The following PRMT8 variants were observed in gnomAD, a reference collection of about 807,000 sequenced individuals.
The protein encoded by PRMT8 is protein arginine N-methyltransferase 8.
In PRMT8, 7 loss-of-function variants were observed where a neutral mutation model predicts 47.1. That is an observed-to-expected ratio of 0.15 (90% CI 0.08 to 0.28). The LOEUF is 0.28. Among genes scored for constraint, PRMT8 ranks in the 10% least tolerant of loss-of-function variants. The pLI, the probability that PRMT8 is intolerant of heterozygous loss-of-function variation, is 1.00. For missense variants in PRMT8, 237 were observed against 505.4 expected, an observed-to-expected ratio of 0.47 and a Z score of 5.09; for synonymous variants, 188 against 186.5, an observed-to-expected ratio of 1.01 and a Z score of -0.07.
chr12:3,473,673 AC>A (rs1865181862), intron 1 of PRMT8, among the ~76,000 whole-genome samples: 1 of 151,716 alleles, frequency 6.6e-6, no homozygotes, highest in African/African-American at 2.4e-5. Context: ...CCTCTTGGCC[AC>A]CCCCACAACA....
Position 3,569,867 on chromosome 12 carries a change from A to T in PRMT8, c.712+303A>T, listed in dbSNP as rs561354053. On this transcript the variant is annotated intron_variant, in intron 6 of 9. Coordinates refer to ENST00000382622, the MANE Select transcript of PRMT8 (RefSeq NM_019854.5). This position sits in a 1 kb window ranked among gnomAD's most constrained non-coding sequence, Gnocchi z 8.2. ...CAGCAGAAGCTGAGTTTTTGCAGAG[A>T]TCAGCAGGGCAAGTGGCTTGAAACC... Among the ~76,000 whole-genome samples the T allele has an allele frequency of 4.0e-4, 61 of 152,208 alleles. No individual in the cohort carries two copies. The highest frequency in any genetic ancestry group is 6.9e-4 in the Non-Finnish European group (47 of 68,038).
In PRMT8 at chr12:3,566,085, G is replaced by A. The variant is rs1302483082; in HGVS notation, c.482-2621G>A. On this transcript the variant is annotated intron_variant, in intron 4 of 9. Transcript: ENST00000382622. This position sits in a 1 kb window ranked among gnomAD's most constrained non-coding sequence, Gnocchi z 4.7. ...TTAGGGAAGAACCTTCAAGAAACGT[G>A]CAAAGAAAAAAAAGTAAGGGAGGCC... 2.6e-5 allele frequency among the ~76,000 whole-genome samples: 4 copies of A among 151,710 alleles called. No individual in the cohort carries two copies. The highest frequency in any genetic ancestry group is 2.6e-4 in the Admixed American group (4 of 15,252).
At chr12:3,385,529 T>C (rs931809211) in intron 1 of PRMT8, among the ~76,000 whole-genome samples, 6 of 152,148 alleles carry the variant, frequency 3.9e-5, no homozygotes, top group African/African-American at 1.4e-4. Flanking sequence ...AAGCATGATT[T>C]AGCCATATTA....
intron 8 of PRMT8, among the ~76,000 whole-genome samples, chr12:3,590,139 T>C (rs1021038522): frequency 1.3e-5 from 2 of 152,246 alleles, no homozygotes; most frequent in African/African-American, 2.4e-5. Flanking sequence ...AGGGATAGAC[T>C]GCACATTCAT....
chr12:3,590,027 G>C (rs11062731), intron 8 of PRMT8, among the ~76,000 whole-genome samples: 44,698 of 152,196 alleles, frequency 0.29, 6,791 homozygotes, highest in Middle Eastern at 0.42. Flanking sequence ...AGGTAGCTGG[G>C]AGAGATGGTT....
intron 1 of PRMT8, among the ~76,000 whole-genome samples, chr12:3,402,057 A>G (rs1035876595): frequency 1.3e-5 from 2 of 152,252 alleles, no homozygotes; most frequent in African/African-American, 4.8e-5. Flanking sequence ...AGCTGGAGGC[A>G]TCACCCTACC....
chr12:3,490,648 C>T (rs1346048605), upstream of PRMT8, among the ~76,000 whole-genome samples: 1 of 139,780 alleles, frequency 7.2e-6, no homozygotes, highest in East Asian at 2.1e-4. Context: ...CTGAAAGGGG[C>T]TTGGAGTCCC....
intron 1 of PRMT8, among the ~76,000 whole-genome samples, chr12:3,521,180 G>C (rs145500052): frequency 7.2e-4 from 109 of 152,314 alleles, no homozygotes; most frequent in African/African-American, 2.3e-3. Flanking sequence ...TGATGGGAGA[G>C]AACTAATAAG....
rs1867107338 is a variant in PRMT8 at position 3,583,277 on chromosome 12, C to T, written c.979+69C>T. The stretch of plus-strand genomic sequence containing the variant: ...CTTCCTCAAGTCTTTGTGGGGTGAC[C>T]AGAGCTGGCCTTGACTTGGGGAGAA... On this transcript the variant is annotated intron_variant, in intron 8 of 9. Transcript: ENST00000382622. The surrounding 1 kb of genome is among the most constrained non-coding windows in gnomAD (Gnocchi z 4.7). 2.7e-6 allele frequency: 4 copies of T among 1,491,482 alleles called. No homozygotes were observed. The highest frequency in any genetic ancestry group is 3.6e-6 in the Non-Finnish European group (4 of 1,106,464). 92.4% of individuals were successfully genotyped at this position (1,491,482 alleles called of 1,614,324 possible).
chr12:3,397,007 G>T (rs1220102852), intron 1 of PRMT8, among the ~76,000 whole-genome samples: 11 of 151,830 alleles, frequency 7.2e-5, no homozygotes, highest in African/African-American at 2.4e-4. Flanking sequence ...GATCACACCG[G>T]CTCCTGAGGC....
At chr12:3,537,396 G>A (rs201070210) in intron 1 of PRMT8, among the ~76,000 whole-genome samples, 1 of 152,098 alleles carries the variant, frequency 6.6e-6, no homozygotes, top group Non-Finnish European at 1.5e-5. Flanking sequence ...GTATTGGCTT[G>A]TAAGAGCTCT....
At chr12:3,439,989 A>G (rs1591550477) in intron 1 of PRMT8, among the ~76,000 whole-genome samples, 1 of 152,156 alleles carries the variant, frequency 6.6e-6, no homozygotes, top group Non-Finnish European at 1.5e-5. Context: ...TCGGGCTCCA[A>G]TCCTGACTGT....
intron 1 of PRMT8, among the ~76,000 whole-genome samples, chr12:3,518,803 G>T (rs1471794934): frequency 6.6e-6 from 1 of 152,112 alleles, no homozygotes; most frequent in African/African-American, 2.4e-5. Context: ...TTCTGCAAAG[G>T]CTCTTGGGGA....
intron 1 of PRMT8, among the ~76,000 whole-genome samples, chr12:3,510,245 G>A (rs1483494552): frequency 2.6e-5 from 4 of 152,208 alleles, no homozygotes; most frequent in Middle Eastern, 3.4e-3. Flanking sequence ...CATGACCCCT[G>A]CTCCCAGCGT....
At chr12:3,448,873 T>C (rs554816061) in intron 1 of PRMT8, among the ~76,000 whole-genome samples, 8 of 152,260 alleles carry the variant, frequency 5.3e-5, no homozygotes, top group East Asian at 1.9e-4. Flanking sequence ...TAGCTATTTA[T>C]CCTGATGCAC....
chr12:3,443,091 A>G (rs561172795), intron 1 of PRMT8, among the ~76,000 whole-genome samples: 9 of 152,308 alleles, frequency 5.9e-5, no homozygotes, highest in Non-Finnish European at 1.2e-4. Flanking sequence ...ATTAACACCT[A>G]TGTGTTTGTG....
rs1344477595 is a variant in PRMT8 at position 3,569,079 on chromosome 12, T to C, written c.624+231T>C. Among the ~76,000 whole-genome samples the C allele has an allele frequency of 6.6e-6, 1 of 152,094 alleles. No individual in the cohort carries two copies. The highest frequency in any genetic ancestry group is 1.5e-5 in the Non-Finnish European group (1 of 67,934). ...CTTCCGTGGGTCTCACCGCAGCCTC[T>C]TTTGCAATAACAGACATCCGTTCTC... is the stretch of plus-strand genomic sequence containing the variant. On this transcript the variant is annotated intron_variant, in intron 5 of 9. Transcript: ENST00000382622. The surrounding 1 kb of genome is among the most constrained non-coding windows in gnomAD (Gnocchi z 8.2).
chr12:3,435,363 C>T (rs1864727308), intron 1 of PRMT8, among the ~76,000 whole-genome samples: 3 of 152,078 alleles, frequency 2.0e-5, no homozygotes, highest in Admixed American at 2.0e-4. Flanking sequence ...GTTTGAGTCT[C>T]TCTGCATATC....
At chr12:3,563,834 G>A (rs184115487) in intron 4 of PRMT8, among the ~76,000 whole-genome samples, 34 of 152,194 alleles carry the variant, frequency 2.2e-4, no homozygotes, top group African/African-American at 7.9e-4. Context: ...AGTAACATAC[G>A]GAAAATCACT....
Sources: allele counts gnomAD v4.1 joint callset (sites outside exome capture counted in the v4.1 genomes callset), GRCh38; gene constraint gnomAD v4.1.1; non-coding constraint Gnocchi (gnomAD v3.1); transcripts MANE v1.5; gene names NCBI Gene and HGNC (gene_info 2026-07-23, HGNC 2026-07-21).